Variants in SMCHD1 observed in about 807,000 individuals in gnomAD.
SMCHD1 encodes structural maintenance of chromosomes flexible hinge domain containing 1.
A neutral mutation model predicts 254.7 loss-of-function variants in SMCHD1; 78 were observed. The observed-to-expected ratio is 0.31, with a 90% CI of 0.26 to 0.37. The LOEUF (loss-of-function observed/expected upper bound fraction) is 0.37. Ranked by LOEUF, SMCHD1 falls within the 10% of genes least tolerant of loss-of-function variation. The pLI, the probability that SMCHD1 is intolerant of heterozygous loss-of-function variation, is 1.00. For missense variants in SMCHD1, 1,840 were observed against 2,408.1 expected, an observed-to-expected ratio of 0.76 and a Z score of 4.94; for synonymous variants, 766 against 794.9, an observed-to-expected ratio of 0.96 and a Z score of 0.61.
intron 5 of SMCHD1, among the ~76,000 whole-genome samples, chr18:2,680,116 C>G (rs1402238003): frequency 7.2e-5 from 11 of 152,078 alleles, no homozygotes. Context: ...TCTTTTAGTT[C>G]ATTAGACATG....
At chr18:2,763,602 A>T (rs1029801373) in intron 36 of SMCHD1, 35 bp from the exon 37 acceptor site, 6 of 1,490,740 alleles carry the variant, frequency 4.0e-6, no homozygotes, top group Non-Finnish European at 4.5e-6. Context: ...TCTTCTCATC[A>T]GTTTCTCTAA....
intron 45 of SMCHD1, among the ~76,000 whole-genome samples, chr18:2,793,507 C>G (rs2076203647): frequency 1.3e-5 from 2 of 151,150 alleles, no homozygotes; most frequent in African/African-American, 4.9e-5. Flanking sequence ...ACTAAAAATA[C>G]AAAAAAAATC....
chr18:2,735,334 T>G (rs2075228339), intron 25 of SMCHD1, among the ~76,000 whole-genome samples: 1 of 152,026 alleles, frequency 6.6e-6, no homozygotes, highest in African/African-American at 2.4e-5. Flanking sequence ...CAACATAATA[T>G]TGAACAGGCA....
intron 17 of SMCHD1, among the ~76,000 whole-genome samples, chr18:2,708,431 T>G (rs1156608790): frequency 1.3e-5 from 2 of 152,094 alleles, no homozygotes; most frequent in Non-Finnish European, 2.9e-5. Context: ...CTCGGAAGGC[T>G]GAGGCAGGAA....
At chr18:2,771,678 A>C in intron 40 of SMCHD1, 60 bp downstream of exon 40, 152 of 1,310,468 alleles carry the variant, frequency 1.2e-4, no homozygotes, top group Middle Eastern at 2.1e-4. Context: ...CAATTTTCTC[A>C]ATTATTCAGT....
Position 2,739,448 on chromosome 18 carries a change from C to T in SMCHD1, c.3442C>T (p.Pro1148Ser). 6.2e-7 allele frequency: 1 copy of T among 1,612,926 alleles called. No homozygotes were observed. The highest frequency in any genetic ancestry group is 8.5e-7 in the Non-Finnish European group (1 of 1,179,336). The change falls in exon 27 of 48, where the codon CCT (proline) becomes TCT (serine). Residue 1148 changes from proline to serine, a missense_variant. Coordinates refer to ENST00000320876, the MANE Select transcript of SMCHD1 (RefSeq NM_015295.3). ...CAATTTCAGACCACTTCCTGATGAACCTAAACATTTAAAATGTGAAATGAA... is the reference window on the plus strand; with the variant it reads ...CAATTTCAGACCACTTCCTGATGAATCTAAACATTTAAAATGTGAAATGAA... The part of the protein sequence containing the change: ...AFTVRPLPDE[P>S]KHLKCEMKGG...
At chr18:2,750,243 A>G in intron 31 of SMCHD1, 107 bp from the exon 32 acceptor site, 1 of 1,391,828 alleles carries the variant, frequency 7.2e-7, no homozygotes, top group Non-Finnish European at 9.8e-7. Flanking sequence ...GGGACTGAAT[A>G]GAAGTTGAGA....
At chr18:2,713,697 G>GT (rs2074732214) in intron 17 of SMCHD1, among the ~76,000 whole-genome samples, 1 of 152,004 alleles carries the variant, frequency 6.6e-6, no homozygotes, top group South Asian at 2.1e-4. Flanking sequence ...ATATATATAT[G>GT]TATTTTAAAT....
At position 2,804,713 on chromosome 18, in the gene SMCHD1, A is replaced by G. The variant is rs1242930032; in HGVS notation, c.*2161A>G. ...AATCCTTTTCTACATTTGAGCAAATACTGAGGTTCATGTTGTACCAAATAA... is the reference window on the plus strand; with the variant it reads ...AATCCTTTTCTACATTTGAGCAAATGCTGAGGTTCATGTTGTACCAAATAA... On this transcript the variant is annotated 3_prime_UTR_variant, in exon 48 of 48. Transcript: ENST00000320876. 6.6e-6 allele frequency: 1 copy of G among 152,224 alleles called. No homozygotes were observed. The highest frequency in any genetic ancestry group is 6.5e-5 in the Admixed American group (1 of 15,284). The allele number at this position is 152,224 out of a possible 1,614,324, so 9.4% of individuals were successfully genotyped here. A position where few individuals can be genotyped will look rare whatever the true frequency, so the allele number is the denominator to read the frequency against.
chr18:2,771,618 G>T lies in SMCHD1; in HGVS notation c.5052G>T (p.Gln1684His). The change falls in exon 40 of 48, where the codon CAG (glutamine) becomes CAT (histidine). Residue 1684 changes from glutamine to histidine, a missense_variant and splice_region_variant. Physicochemically the swap from Gln to His is conservative, Grantham distance 24. Around this residue, in one of 9 missense-constraint regions of SMCHD1, gnomAD observed 881 missense variants for 1,009.5 expected, o/e 0.87. Transcript: ENST00000320876. Reference protein sequence around the residue: ...IHNIDIPTTQQVPHIEALLKR... With the variant: ...IHNIDIPTTQHVPHIEALLKR... ...ATATTGACATTCCTACAACACAACA[G>T]GTACAGCTTCCAACTATACGTGAAA... is the stretch of plus-strand genomic sequence containing the variant. 1 of 1,540,896 alleles carries T rather than the reference G, an allele frequency of 6.5e-7. No homozygotes were observed. Among genetic ancestry groups the T allele is most frequent in the Admixed American group, 2.4e-5 (1 of 40,834 alleles).
chr18:2,769,180 C>T (rs984786540), intron 37 of SMCHD1, among the ~76,000 whole-genome samples: 1 of 152,086 alleles, frequency 6.6e-6, no homozygotes, highest in African/African-American at 2.4e-5. Flanking sequence ...ATGAGAAAGA[C>T]ACAATTTAAA....
chr18:2,802,782 C>G lies in SMCHD1; in HGVS notation c.*230C>G. 2.4e-6 allele frequency: 1 copy of G among 411,506 alleles called. No individual in the cohort carries two copies. Among genetic ancestry groups the G allele is most frequent in the East Asian group, 3.7e-5 (1 of 26,860 alleles). 25.5% of individuals were successfully genotyped at this position (411,506 alleles called of 1,614,324 possible). On this transcript the variant is annotated 3_prime_UTR_variant, in exon 48 of 48. Transcript: ENST00000320876. ...ACTGGAATTATTCCAGACATTATGC[C>G]CTTTGGTTGTCACTACCTTGCAAAT...
intron 30 of SMCHD1, among the ~76,000 whole-genome samples, chr18:2,749,061 GA>G (rs1336571770): frequency 3.9e-5 from 6 of 152,316 alleles, no homozygotes; most frequent in African/African-American, 1.2e-4. Flanking sequence ...ATGAGGCTAT[GA>G]TACTGCTGCT....
At chr18:2,749,354 A>G (rs913791612) in intron 30 of SMCHD1, among the ~76,000 whole-genome samples, 1 of 152,152 alleles carries the variant, frequency 6.6e-6, no homozygotes, top group Non-Finnish European at 1.5e-5. Flanking sequence ...TTTTTCTTCT[A>G]CTGTGGTCTA....
intron 27 of SMCHD1, 60 bp from the exon 28 acceptor site, chr18:2,740,643 G>A: frequency 5.6e-6 from 5 of 888,784 alleles, no homozygotes; most frequent in South Asian, 1.8e-5. Context: ...ATAGTGTATT[G>A]TAGATATTTA....
chr18:2,738,402 T>C lies in SMCHD1; in HGVS notation c.3282T>C (p.Asn1094=). ...AATATCTCTTTTTCTCCTAGGTTAA[T>C]TGGACTCCTGAGATTAACAAAGAAC... ...TSALAEKIKV[N]WTPEINKEHL... The change falls in exon 26 of 48, where the codon AAT becomes AAC. Residue 1094 remains asparagine (N), a synonymous_variant. Transcript: ENST00000320876. 6.3e-7 allele frequency: 1 copy of C among 1,593,082 alleles called. No homozygotes were observed. The highest frequency in any genetic ancestry group is 1.8e-5 in the Admixed American group (1 of 56,038).
At chr18:2,801,574 G>C (rs540929644) in intron 47 of SMCHD1, among the ~76,000 whole-genome samples, 1 of 152,106 alleles carries the variant, frequency 6.6e-6, no homozygotes, top group South Asian at 2.1e-4. Flanking sequence ...TAACAGTATT[G>C]AATATTGGTA....
intron 12 of SMCHD1, among the ~76,000 whole-genome samples, chr18:2,703,359 G>A (rs1366647579): frequency 1.3e-5 from 2 of 152,098 alleles, no homozygotes; most frequent in African/African-American, 4.8e-5. Context: ...CATCCCTTTT[G>A]TGGAGCTAGC....
rs1187607210 is a variant in SMCHD1, at chr18:2,803,461, C to G, written c.*909C>G. On this transcript the variant is annotated 3_prime_UTR_variant, in exon 48 of 48. Transcript: ENST00000320876. ...AACCTAATGTATGTCATATATATGT[C>G]TTTGTGTAAGTTCAAGACTATTGAT... 1.3e-5 allele frequency: 2 copies of G among 151,688 alleles called. No individual in the cohort carries two copies. The highest frequency in any genetic ancestry group is 2.9e-5 in the Non-Finnish European group (2 of 67,922). The allele number at this position is 151,688 out of a possible 1,614,324, so 9.4% of individuals were successfully genotyped here. A position where few individuals can be genotyped will look rare whatever the true frequency, so the allele number is the denominator to read the frequency against.
Sources: allele counts gnomAD v4.1 joint callset (sites outside exome capture counted in the v4.1 genomes callset), GRCh38; gene constraint gnomAD v4.1.1; regional missense constraint gnomAD v4.1.1; transcripts MANE v1.5; gene names NCBI Gene and HGNC (gene_info 2026-07-23, HGNC 2026-07-21).